Variants in PTK2 observed in about 807,000 individuals in gnomAD.
PTK2 encodes focal adhesion kinase 1.
PTK2 carries 45 observed loss-of-function variants against 150.1 expected under a neutral mutation model. The observed-to-expected ratio is 0.30, with a 90% CI of 0.24 to 0.38. The LOEUF is 0.38. PTK2 is among the 10% of genes least tolerant of loss of function. The probability of loss-of-function intolerance (pLI) is 1.00; values close to 1 mark genes in which losing one functional copy is unlikely to be tolerated. For synonymous variants in PTK2, 432 were observed against 449.2 expected, an observed-to-expected ratio of 0.96 and a Z score of 0.48; for missense variants, 919 against 1,307.3, an observed-to-expected ratio of 0.70 and a Z score of 4.58.
At chr8:140,978,091 C>T (rs1426603267) in intron 1 of PTK2, among the ~76,000 whole-genome samples, 4 of 152,142 alleles carry the variant, frequency 2.6e-5, no homozygotes, top group Non-Finnish European at 4.4e-5. Context: ...TTCCTTACAC[C>T]TTATACAAAA....
chr8:140,675,339 G>T, intron 28 of PTK2, 121 bp downstream of exon 31: 1 of 1,036,062 alleles, frequency 9.7e-7, no homozygotes. Context: ...CGTACTTGCT[G>T]TGGTCTGTAG....
chr8:140,706,929 T>C (rs899869232), intron 23 of PTK2, among the ~76,000 whole-genome samples: 2 of 151,990 alleles, frequency 1.3e-5, no homozygotes, highest in South Asian at 2.1e-4. Flanking sequence ...TTATTCACAA[T>C]AGATAAAAAG....
intron 1 of PTK2, among the ~76,000 whole-genome samples, chr8:140,943,571 T>C (rs1358243672): frequency 6.6e-6 from 1 of 152,238 alleles, no homozygotes; most frequent in Non-Finnish European, 1.5e-5. Flanking sequence ...ATGTTTTCAT[T>C]TCTCTTGAGT....
At chr8:140,864,200 C>T (rs1260310452) in intron 5 of PTK2, 112 bp downstream of exon 5, 1 of 584,676 alleles carries the variant, frequency 1.7e-6, no homozygotes, top group Non-Finnish European at 2.8e-6. Context: ...CATTCAGCAA[C>T]AAATTTCTAT....
At chr8:140,745,987 G>A (rs1174904535) in intron 18 of PTK2, among the ~76,000 whole-genome samples, 1 of 148,800 alleles carries the variant, frequency 6.7e-6, no homozygotes, top group Non-Finnish European at 1.5e-5. Flanking sequence ...GCGACAGAGC[G>A]AGACTCTGTC....
chr8:140,920,766 A>C, intron 2 of PTK2: 1 of 1,383,306 alleles, frequency 7.2e-7, no homozygotes, highest in Non-Finnish European at 9.4e-7. Context: ...TTTCGGTGCA[A>C]AAGCATGAAT....
intron 16 of PTK2, among the ~76,000 whole-genome samples, chr8:140,757,094 A>G (rs1420539462): frequency 6.6e-6 from 1 of 152,232 alleles, no homozygotes; most frequent in Non-Finnish European, 1.5e-5. Context: ...TGAATGAAAT[A>G]AAGTCCACTA....
chr8:140,856,821 G>A (rs921697436), intron 5 of PTK2, among the ~76,000 whole-genome samples: 1 of 152,154 alleles, frequency 6.6e-6, no homozygotes, highest in Non-Finnish European at 1.5e-5. Flanking sequence ...CTAGGTTAAC[G>A]ATACTTATGT....
intron 27 of PTK2, 110 bp from the exon 31 acceptor site, chr8:140,675,609 T>C: frequency 1.1e-5 from 9 of 795,262 alleles, no homozygotes; most frequent in Non-Finnish European, 1.7e-5. Flanking sequence ...TAGATTCTAG[T>C]GTATCAAAAT....
chr8:140,664,096 GTC>G (rs1401924019), intron 31 of PTK2, among the ~76,000 whole-genome samples: 1 of 152,028 alleles, frequency 6.6e-6, no homozygotes, highest in East Asian at 1.9e-4. Flanking sequence ...TCATTCTCCT[GTC>G]TCAGCCTCCC....
intron 13 of PTK2, among the ~76,000 whole-genome samples, chr8:140,792,847 A>G (rs140925955): frequency 3.9e-4 from 59 of 152,318 alleles, no homozygotes; most frequent in African/African-American, 1.4e-3. Context: ...GATTGTTTAG[A>G]TTTTAACATT....
intron 10 of PTK2, among the ~76,000 whole-genome samples, chr8:140,810,568 C>T (rs1052966794): frequency 3.3e-5 from 5 of 152,206 alleles, no homozygotes; most frequent in Non-Finnish European, 7.3e-5. Context: ...CCCGCTCCTT[C>T]CTCACACTGC....
intron 7 of PTK2, among the ~76,000 whole-genome samples, chr8:140,836,872 A>G (rs906524341): frequency 6.6e-6 from 1 of 152,210 alleles, no homozygotes; most frequent in East Asian, 1.9e-4. Flanking sequence ...ATTTCTAAAA[A>G]AAGGCAAACC....
intron 1 of PTK2, among the ~76,000 whole-genome samples, chr8:140,940,381 G>A (rs1361935524): frequency 5.3e-5 from 8 of 152,094 alleles, no homozygotes; most frequent in African/African-American, 1.9e-4. Context: ...CCCGGGAAAC[G>A]GAGCTTGCAG....
intron 22 of PTK2, among the ~76,000 whole-genome samples, chr8:140,733,933 T>C (rs1300860314): frequency 6.6e-6 from 1 of 152,136 alleles, no homozygotes; most frequent in African/African-American, 2.4e-5. Flanking sequence ...GACTTTAAAC[T>C]CTCTGGGGGC....
rs190794225 is a variant in PTK2 at position 140,905,628 on chromosome 8, T to C, written c.-32-14859A>G. Among the ~76,000 whole-genome samples the C allele has an allele frequency of 3.9e-5, 6 of 152,236 alleles. No individual in the cohort carries two copies. The East Asian group carries it at 1.2e-3, about 29-fold the overall frequency. ...TTAGACAGATCAACAAGACAGAAGA[T>C]AAACACGGATATTCAGGACTTGAAC... On this transcript the variant is annotated intron_variant, in intron 2 of 31. Coordinates refer to ENST00000522684, the Ensembl canonical transcript of PTK2.
At chr8:140,812,660 T>C (rs372993086) in intron 10 of PTK2, among the ~76,000 whole-genome samples, 1 of 151,936 alleles carries the variant, frequency 6.6e-6, no homozygotes, top group Non-Finnish European at 1.5e-5. Context: ...ATGACACACA[T>C]AGGCTCAAAA....
At chr8:140,728,156 C>A (rs570085378) in intron 22 of PTK2, among the ~76,000 whole-genome samples, 3 of 149,540 alleles carry the variant, frequency 2.0e-5, no homozygotes, top group African/African-American at 7.4e-5. Flanking sequence ...CAGAAGACTG[C>A]GCCACAGCAC....
intron 5 of PTK2, among the ~76,000 whole-genome samples, chr8:140,851,960 T>TGG (rs1340104789): frequency 6.6e-6 from 1 of 151,760 alleles, no homozygotes; most frequent in African/African-American, 2.4e-5. Context: ...TGTACTTGGG[T>TGG]GGGAGCACAT....
Sources: gnomAD v4.1 joint callset for allele counts (sites outside exome capture counted in the v4.1 genomes callset) on GRCh38, gnomAD v4.1.1 for gene constraint, MANE v1.5 for transcripts, NCBI Gene and HGNC (gene_info 2026-07-23, HGNC 2026-07-21) for gene names.